GSK3B: variants seen among roughly 807,000 people sequenced by gnomAD.
GSK3B encodes the protein glycogen synthase kinase 3 beta, also known as glycogen synthase kinase-3 beta.
GSK3B carries 15 observed loss-of-function variants against 56.4 expected under a neutral mutation model. That is an observed-to-expected ratio of 0.27 (90% CI 0.18 to 0.41). The LOEUF is 0.41. Among genes scored for constraint, GSK3B ranks in the 10% least tolerant of loss-of-function variants. The probability of loss-of-function intolerance (pLI) is 1.00; values close to 1 mark genes in which losing one functional copy is unlikely to be tolerated. For synonymous variants in GSK3B, 181 were observed against 188.9 expected, an observed-to-expected ratio of 0.96 and a Z score of 0.34; for missense variants, 300 against 513.4, an observed-to-expected ratio of 0.58 and a Z score of 4.02.
chr3:119,838,506 C>T (rs2055726628), intron 10 of GSK3B, among the ~76,000 whole-genome samples: 1 of 152,128 alleles, frequency 6.6e-6, no homozygotes. Context: ...TGTCTAGTCC[C>T]TATCCACATG....
intron 9 of GSK3B, among the ~76,000 whole-genome samples, chr3:119,850,649 G>A (rs1245340008): frequency 6.6e-6 from 1 of 152,046 alleles, no homozygotes; most frequent in Non-Finnish European, 1.5e-5. Context: ...TGAGTGATAA[G>A]GAAATGGAGT....
chr3:120,049,573 G>C (rs761932395), intron 1 of GSK3B, among the ~76,000 whole-genome samples: 8 of 152,142 alleles, frequency 5.3e-5, no homozygotes, highest in Non-Finnish European at 1.2e-4. Context: ...CATGCCTTCT[G>C]AACAGAAGAC....
chr3:119,875,095 A>G (rs1159284232), intron 8 of GSK3B, among the ~76,000 whole-genome samples: 3 of 152,120 alleles, frequency 2.0e-5, no homozygotes, highest in African/African-American at 7.2e-5. Flanking sequence ...ACTTTTAAAA[A>G]AGGGAGGCAA....
intron 2 of GSK3B, among the ~76,000 whole-genome samples, chr3:119,974,504 A>G (rs1170429725): frequency 6.6e-6 from 1 of 152,176 alleles, no homozygotes; most frequent in Admixed American, 6.5e-5. Context: ...ACACAGCAAG[A>G]AGGCACTATC....
chr3:120,072,628 TAAA>T (rs2058336114), intron 1 of GSK3B, among the ~76,000 whole-genome samples: 1 of 152,082 alleles, frequency 6.6e-6, no homozygotes, highest in Non-Finnish European at 1.5e-5. Context: ...AATAACTTCT[TAAA>T]AAGAAAAACA....
chr3:120,038,384 G>A (rs1005001414), intron 1 of GSK3B, among the ~76,000 whole-genome samples: 1 of 152,100 alleles, frequency 6.6e-6, no homozygotes, highest in Non-Finnish European at 1.5e-5. Flanking sequence ...GGGCAACATG[G>A]TGAAACCCTG....
intron 2 of GSK3B, among the ~76,000 whole-genome samples, chr3:119,955,341 T>C (rs973400535): frequency 3.9e-5 from 6 of 152,200 alleles, no homozygotes; most frequent in African/African-American, 9.6e-5. Flanking sequence ...TTTTGTTCCA[T>C]GCATAGAACA....
intron 7 of GSK3B, among the ~76,000 whole-genome samples, chr3:119,889,310 T>C (rs9841959): frequency 0.018 from 2,774 of 152,024 alleles, 93 homozygotes; most frequent in African/African-American, 0.064. Context: ...TCATGGAAAA[T>C]AGAAAAAACC....
intron 9 of GSK3B, among the ~76,000 whole-genome samples, chr3:119,846,871 G>C (rs1257049112): frequency 2.6e-5 from 4 of 152,154 alleles, no homozygotes; most frequent in African/African-American, 9.7e-5. Context: ...CAATAGCAAA[G>C]ACTTGGAACC....
chr3:120,050,714 T>A (rs530698119), intron 1 of GSK3B, among the ~76,000 whole-genome samples: 1 of 152,300 alleles, frequency 6.6e-6, no homozygotes, highest in Admixed American at 6.5e-5. Context: ...GAGTTCAGTT[T>A]TAACATGTTC....
At chr3:119,900,358 T>C (rs2056613264) in intron 7 of GSK3B, among the ~76,000 whole-genome samples, 1 of 152,126 alleles carries the variant, frequency 6.6e-6, no homozygotes, top group Non-Finnish European at 1.5e-5. Context: ...ATGTTTATGA[T>C]ATAAATGAAA....
intron 3 of GSK3B, among the ~76,000 whole-genome samples, chr3:119,933,948 C>T (rs769011529): frequency 5.9e-5 from 9 of 152,168 alleles, no homozygotes; most frequent in Non-Finnish European, 1.3e-4. Flanking sequence ...TGACAGAACT[C>T]CCAGTGGCCA....
At chr3:120,052,229 T>A (rs908327415) in intron 1 of GSK3B, among the ~76,000 whole-genome samples, 2 of 152,214 alleles carry the variant, frequency 1.3e-5, no homozygotes, top group African/African-American at 4.8e-5. Flanking sequence ...ACAATTTATT[T>A]GACAGAAGGA....
At chr3:120,012,842 AT>A (rs2057790812) in intron 1 of GSK3B, among the ~76,000 whole-genome samples, 1 of 151,876 alleles carries the variant, frequency 6.6e-6, no homozygotes, top group African/African-American at 2.4e-5. Context: ...CCTCACTAAT[AT>A]TTTTTATTTT....
At chr3:119,893,101 A>T (rs1399018276) in intron 7 of GSK3B, among the ~76,000 whole-genome samples, 1 of 151,914 alleles carries the variant, frequency 6.6e-6, no homozygotes, top group Non-Finnish European at 1.5e-5. Flanking sequence ...TCTACCTCCC[A>T]GGTTCAAGTG....
At chr3:119,992,503 A>T in intron 2 of GSK3B, among the ~76,000 whole-genome samples, 1 of 152,240 alleles carries the variant, frequency 6.6e-6, no homozygotes, top group Middle Eastern at 3.4e-3. Flanking sequence ...CTGAACCCTG[A>T]TAACTACTAG....
intron 1 of GSK3B, among the ~76,000 whole-genome samples, chr3:120,061,674 G>C (rs2058238131): frequency 6.6e-6 from 1 of 152,118 alleles, no homozygotes; most frequent in Non-Finnish European, 1.5e-5. Flanking sequence ...AGTCCTAGAA[G>C]CAGAATTTCT....
intron 4 of GSK3B, 101 bp downstream of exon 4, chr3:119,923,272 C>G: frequency 1.9e-6 from 1 of 537,062 alleles, no homozygotes; most frequent in Non-Finnish European, 3.3e-6. Context: ...GTTTTTCTCC[C>G]TGAGTATTAA....
chr3:119,992,876 G>A (rs1228126290), intron 2 of GSK3B, among the ~76,000 whole-genome samples: 1 of 151,926 alleles, frequency 6.6e-6, no homozygotes, highest in African/African-American at 2.4e-5. Context: ...AAACTATAAT[G>A]AGATACCATT....
Sources: gnomAD v4.1 joint callset for allele counts (sites outside exome capture counted in the v4.1 genomes callset) on GRCh38, gnomAD v4.1.1 for gene constraint, MANE v1.5 for transcripts, NCBI Gene and HGNC (gene_info 2026-07-23, HGNC 2026-07-21) for gene names.